COL28A1: variants seen among roughly 807,000 people sequenced by gnomAD.
The protein encoded by COL28A1 is collagen type XXVIII alpha 1 chain.
Under a neutral mutation model 150.2 loss-of-function variants are expected in COL28A1, and 161 were observed. The ratio of observed to expected loss-of-function variants is 1.07; its 90% CI spans 0.94 to 1.22. COL28A1 has a LOEUF of 1.22. Ranked by LOEUF, COL28A1 falls within the 50% of genes most tolerant of loss-of-function variation. The pLI is 0.00. For missense variants in COL28A1, 1,617 were observed against 1,388.3 expected (o/e 1.16, Z -2.62); for synonymous variants, 552 against 469.7 (o/e 1.18, Z -2.26).
chr7:7,504,943 C>G (rs1258477525), intron 11 of COL28A1, among the ~76,000 whole-genome samples: 1 of 152,132 alleles, frequency 6.6e-6, no homozygotes, highest in Non-Finnish European at 1.5e-5. Context: ...GTACCTGTAG[C>G]CAATGCAATT....
intron 18 of COL28A1, among the ~76,000 whole-genome samples, chr7:7,448,772 A>G (rs1038130099): frequency 6.6e-6 from 1 of 152,106 alleles, no homozygotes; most frequent in African/African-American, 2.4e-5. Context: ...ATTCAGCAAT[A>G]CAAAGGAATG....
In COL28A1 at chr7:7,531,779, C is replaced by T; in HGVS notation, c.250G>A (p.Gly84Ser). The T allele has an allele frequency of 6.2e-7, 1 of 1,606,260 alleles. No individual in the cohort carries two copies. The highest frequency in any genetic ancestry group is 8.5e-7 in the Non-Finnish European group (1 of 1,172,928). The change falls in exon 3 of 35, where the codon GGT (glycine) becomes AGT (serine). Residue 84 changes from glycine to serine, a missense_variant. Coordinates refer to ENST00000399429, the MANE Select transcript of COL28A1 (RefSeq NM_001037763.3). ...LSDKIFQLTP[G>S]RSLEYDIKLA... is the part of the protein sequence containing the mutation. ...TTGATGTCATATTCCAAGGAGCGAC[C>T]AGGAGTCAATTGGAAAATCTTGTCA... is the stretch of plus-strand genomic sequence containing the variant.
chr7:7,509,173 C>G (rs1369053371), intron 9 of COL28A1, among the ~76,000 whole-genome samples: 2 of 151,864 alleles, frequency 1.3e-5, no homozygotes, highest in Admixed American at 6.6e-5. Context: ...CTCTGTTACC[C>G]AAACTGGAGT....
chr7:7,473,916 G>A (rs1208639705), intron 15 of COL28A1, among the ~76,000 whole-genome samples: 1 of 149,292 alleles, frequency 6.7e-6, no homozygotes, highest in Non-Finnish European at 1.5e-5. Context: ...GTGTGTGTTT[G>A]TTTATATATA....
At chr7:7,345,511 A>G in the COL28A1 span, among the ~76,000 whole-genome samples, 311 of 152,050 alleles carry the variant, frequency 2.0e-3, 1 homozygote, top group African/African-American at 7.0e-3. Context: ...AACTTCCTAT[A>G]CCATTTTTTA....
chr7:7,464,745 C>A (rs1214037237), intron 15 of COL28A1, among the ~76,000 whole-genome samples: 1 of 152,104 alleles, frequency 6.6e-6, no homozygotes, highest in African/African-American at 2.4e-5. Context: ...AAGGTCACAC[C>A]TCAAGGAACT....
Position 7,474,605 on chromosome 7 carries a change from TC to T in COL28A1, c.1297del (p.Glu433ArgfsTer5), listed in dbSNP as rs1788718029. 1 of 1,206,436 alleles carries T rather than the reference TC, an allele frequency of 8.3e-7. No individual in the cohort carries two copies. The highest frequency in any genetic ancestry group is 1.2e-6 in the Non-Finnish European group (1 of 808,156). The allele number at this position is 1,206,436 out of a possible 1,614,324, so 74.7% of individuals were successfully genotyped here. On this transcript the variant is annotated frameshift_variant, in exon 15 of 35. Transcript: ENST00000399429. LOFTEE classifies it high-confidence loss of function. ...GTACACCCTATTATACAGTACCTTC[TC>T]CCCTTTGATTGACAGGCCTTGTAAT... Reference protein sequence around the residue: ...QGLQGLSIKGEKGDIGPVGPQ... With the variant: ...QGLQGLSIKGXKGDIGPVGPQ...
chr7:7,375,523 T>C, intron 30 of COL28A1, 26 bp from the exon 31 acceptor site: 1 of 1,416,458 alleles, frequency 7.1e-7, no homozygotes, highest in Non-Finnish European at 9.9e-7. Context: ...AAAAATGTAT[T>C]ACTATATGTA....
At position 7,513,676 on chromosome 7, in the gene COL28A1, C is replaced by A. The variant is rs563778951; in HGVS notation, c.882+2138G>T. Among the ~76,000 whole-genome samples, 81 of 152,210 alleles carry A rather than the reference C, an allele frequency of 5.3e-4. 1 individual carries two copies. The highest frequency in any genetic ancestry group is 9.4e-4 in the Non-Finnish European group (64 of 68,002). On this transcript the variant is annotated intron_variant, in intron 8 of 34. Transcript: ENST00000399429. The stretch of plus-strand genomic sequence containing the variant: ...GATGGGAATAAAATGAGTCAACCAC[C>A]AAAATATAAAACAGAAAGTACCATA...
chr7:7,441,739 T>G (rs1384991916), intron 20 of COL28A1, among the ~76,000 whole-genome samples: 1 of 152,160 alleles, frequency 6.6e-6, no homozygotes, highest in Non-Finnish European at 1.5e-5. Context: ...CAGGTGATGC[T>G]GATGCTGCTG....
chr7:7,478,159 C>A (rs1198161358), intron 13 of COL28A1, among the ~76,000 whole-genome samples: 4 of 151,904 alleles, frequency 2.6e-5, no homozygotes, highest in Admixed American at 1.3e-4. Flanking sequence ...ATACAGAGTG[C>A]CGACTGGTGC....
At chr7:7,456,286 C>T (rs902762221) in intron 15 of COL28A1, among the ~76,000 whole-genome samples, 174 bp from the exon 16 acceptor site, 3 of 151,960 alleles carry the variant, frequency 2.0e-5, no homozygotes, top group African/African-American at 7.3e-5. Flanking sequence ...ATTCAAATTC[C>T]CCAAAATAGT....
At chr7:7,515,294 A>G (rs1317677442) in intron 8 of COL28A1, among the ~76,000 whole-genome samples, 1 of 152,190 alleles carries the variant, frequency 6.6e-6, no homozygotes, top group Non-Finnish European at 1.5e-5. Context: ...TCATCAAATC[A>G]TCTACCAACC....
chr7:7,364,951 G>C (rs763368802), intron 33 of COL28A1, among the ~76,000 whole-genome samples: 1 of 152,090 alleles, frequency 6.6e-6, no homozygotes, highest in African/African-American at 2.4e-5. Context: ...TGCAAAGAGC[G>C]AAAGAGAAAG....
chr7:7,539,147 T>C (rs905408853), upstream of COL28A1, among the ~76,000 whole-genome samples: 7 of 152,190 alleles, frequency 4.6e-5, no homozygotes, highest in Non-Finnish European at 1.0e-4. Context: ...TAGTCCATTT[T>C]GTGTTGCTAT....
intron 13 of COL28A1, 149 bp from the exon 14 acceptor site, chr7:7,477,329 T>C (rs963453290): frequency 6.7e-5 from 41 of 611,716 alleles, no homozygotes; most frequent in Admixed American, 2.9e-4. Flanking sequence ...ACTAAACATG[T>C]ACAGGCTTTT....
At chr7:7,399,436 A>G (rs1386994310) in intron 27 of COL28A1, among the ~76,000 whole-genome samples, 1 of 152,104 alleles carries the variant, frequency 6.6e-6, no homozygotes, top group Non-Finnish European at 1.5e-5. Context: ...ATTTCTCCTT[A>G]TTAGCCTTTC....
intron 31 of COL28A1, among the ~76,000 whole-genome samples, chr7:7,374,038 A>AAATATATATATATATAT: frequency 8.8e-6 from 1 of 113,658 alleles, no homozygotes. Context: ...AAAAAAAAAA[A>AAATATATATATATATAT]ATATATATAT....
intron 17 of COL28A1, 87 bp from the exon 18 acceptor site, chr7:7,452,474 AAGTAAAAC>A: frequency 6.7e-7 from 1 of 1,482,534 alleles, no homozygotes; most frequent in Non-Finnish European, 8.9e-7. Context: ...TATATCAACA[AAGTAAAAC>A]AGTTTCATGT....
Sources: gnomAD v4.1 joint callset for allele counts (sites outside exome capture counted in the v4.1 genomes callset) on GRCh38, gnomAD v4.1.1 for gene constraint, MANE v1.5 for transcripts, NCBI Gene and HGNC (gene_info 2026-07-23, HGNC 2026-07-21) for gene names.